TSG101: variants seen among roughly 807,000 people sequenced by gnomAD.
TSG101 encodes the protein tumor susceptibility 101.
TSG101 carries 19 observed loss-of-function variants against 48.5 expected under a neutral mutation model. That is an observed-to-expected ratio of 0.39 (90% CI 0.27 to 0.58). The LOEUF (loss-of-function observed/expected upper bound fraction) is 0.58. Ranked by LOEUF, TSG101 falls within the 20% of genes least tolerant of loss-of-function variation. The pLI is 0.55. For missense variants in TSG101, 365 were observed against 484.4 expected (o/e 0.75, Z 2.31); for synonymous variants, 174 against 169.4 (o/e 1.03, Z -0.21).
chr11:18,483,039 T>TA (rs1314186730), intron 8 of TSG101, among the ~76,000 whole-genome samples: 3 of 151,994 alleles, frequency 2.0e-5, no homozygotes, highest in Admixed American at 1.3e-4. Context: ...TGTGTGTGTG[T>TA]GTGTAGCAGG....
intron 7 of TSG101, among the ~76,000 whole-genome samples, chr11:18,495,982 C>G (rs1316430895): frequency 7.0e-6 from 1 of 142,204 alleles, no homozygotes; most frequent in Admixed American, 7.2e-5. Context: ...CTGGCACAAG[C>G]ACAGCTGACA....
intron 7 of TSG101, among the ~76,000 whole-genome samples, chr11:18,498,815 G>A (rs890682320): frequency 3.9e-5 from 6 of 152,064 alleles, no homozygotes; most frequent in Non-Finnish European, 5.9e-5. Context: ...CCAATGTTAA[G>A]AAAAATGGAA....
chr11:18,490,301 C>A, intron 7 of TSG101: 1 of 581,034 alleles, frequency 1.7e-6, no homozygotes, highest in South Asian at 1.4e-5. Context: ...GTAACACTGT[C>A]CCAAGTAATT....
chr11:18,499,403 T>TATATATATATA (rs1554970813), intron 7 of TSG101, among the ~76,000 whole-genome samples: 2 of 6,850 alleles, frequency 2.9e-4, no homozygotes, highest in Non-Finnish European at 5.2e-4. Context: ...TATATATATA[T>TATATATATATA]TTTTTTTTTT....
At chr11:18,517,187 T>C (rs899055083) in intron 2 of TSG101, among the ~76,000 whole-genome samples, 1 of 146,900 alleles carries the variant, frequency 6.8e-6, no homozygotes, top group Non-Finnish European at 1.5e-5. Context: ...ATGCCCAGCT[T>C]TTTTTTTTTT....
intron 4 of TSG101, chr11:18,511,511 A>G (rs1850081590): frequency 6.6e-6 from 1 of 152,188 alleles, no homozygotes; most frequent in Non-Finnish European, 1.5e-5. Flanking sequence ...TCTGTGCAAC[A>G]CTCACAGATA....
Position 18,516,172 on chromosome 11 carries a change from G to A in TSG101, c.128-8C>T. 6.2e-7 allele frequency: 1 copy of A among 1,612,932 alleles called. No homozygotes were observed. The highest frequency in any genetic ancestry group is 1.1e-5 in the South Asian group (1 of 90,984). On this transcript the variant is annotated splice_region_variant and splice_polypyrimidine_tract_variant and intron_variant, in intron 2 of 9. Transcript: ENST00000251968. ...AACTGCCATCGTTAAAAACTGAAAGGAAAGAACAATGATTTAATCATGAGC... is the reference window on the plus strand; with the variant it reads ...AACTGCCATCGTTAAAAACTGAAAGAAAAGAACAATGATTTAATCATGAGC...
rs200880173 is a variant in TSG101 at position 18,526,851 on chromosome 11, G to C, written c.-35C>G. The C allele has an allele frequency of 6.9e-6, 11 of 1,593,362 alleles. No homozygotes were observed. The South Asian group carries it at 8.9e-5, about 13-fold the overall frequency. ...CTGGCGACTCCCTTCCCCGCAGGCA[G>C]AGGGTCAGCCGCTGCTGGGCTGCCC... On this transcript the variant is annotated 5_prime_UTR_variant, in exon 1 of 10. Transcript: ENST00000251968.
chr11:18,481,442 C>T (rs762822847), intron 9 of TSG101, 188 bp downstream of exon 9: 3 of 1,391,488 alleles, frequency 2.2e-6, no homozygotes, highest in Non-Finnish European at 2.8e-6. Context: ...TCTTCCCCTG[C>T]TCAGACCAAT....
intron 6 of TSG101, among the ~76,000 whole-genome samples, chr11:18,506,378 T>C (rs1029640684): frequency 2.4e-5 from 3 of 125,626 alleles, no homozygotes; most frequent in African/African-American, 7.7e-5. Flanking sequence ...TATTTTATAA[T>C]ACTCTCTTCT....
At position 18,526,832 on chromosome 11, in the gene TSG101, A is replaced by G. The variant is rs1384482513; in HGVS notation, c.-16T>C. 1 of 1,599,092 alleles carries G rather than the reference A, an allele frequency of 6.3e-7. No individual in the cohort carries two copies. On this transcript the variant is annotated 5_prime_UTR_variant, in exon 1 of 10. Coordinates refer to ENST00000251968, the MANE Select transcript of TSG101 (RefSeq NM_006292.4). Reference sequence around the variant, plus strand: ...ACACCGCCATGACGGCCGCCTGGCGACTCCCTTCCCCGCAGGCAGAGGGTC... The same window carrying G: ...ACACCGCCATGACGGCCGCCTGGCGGCTCCCTTCCCCGCAGGCAGAGGGTC...
chr11:18,490,484 C>T (rs1295691813), intron 7 of TSG101: 8 of 503,298 alleles, frequency 1.6e-5, no homozygotes, highest in Non-Finnish European at 3.1e-5. Flanking sequence ...GATGTGTAGG[C>T]TGCATTTCTT....
chr11:18,503,415 C>G (rs1398601289), intron 6 of TSG101, among the ~76,000 whole-genome samples: 1 of 141,232 alleles, frequency 7.1e-6, no homozygotes, highest in African/African-American at 2.6e-5. Context: ...CCCTGTTGCT[C>G]AGGCTGGAGT....
chr11:18,505,751 T>C (rs1024214333), intron 6 of TSG101, among the ~76,000 whole-genome samples: 1 of 152,218 alleles, frequency 6.6e-6, no homozygotes, highest in Non-Finnish European at 1.5e-5. Flanking sequence ...GTAAATATCA[T>C]GCGACAAGTT....
At chr11:18,512,956 G>C (rs1229144723) in intron 4 of TSG101, among the ~76,000 whole-genome samples, 70 of 151,982 alleles carry the variant, frequency 4.6e-4, no homozygotes, top group African/African-American at 1.6e-3. Flanking sequence ...TCAAACTTCT[G>C]GCCTCAAGTG....
chr11:18,511,536 T>C (rs1246586219), intron 4 of TSG101: 2 of 152,210 alleles, frequency 1.3e-5, no homozygotes, highest in Non-Finnish European at 2.9e-5. Context: ...GGCTGGTGTG[T>C]GTGGGGATGG....
chr11:18,516,597 G>C lies in TSG101; in HGVS notation c.128-433C>G, dbSNP rs1030391777. ...CTAACCTCGTTATCCACCTGCCTTG[G>C]CCTCCCAAAGTGCTGGGATTACAGG... On this transcript the variant is annotated intron_variant, in intron 2 of 9. Coordinates refer to ENST00000251968, the MANE Select transcript of TSG101 (RefSeq NM_006292.4). Among the ~76,000 whole-genome samples the C allele has an allele frequency of 3.8e-4, 58 of 151,886 alleles. 3 individuals are homozygous for C. The highest frequency in any genetic ancestry group is 3.8e-3 in the Admixed American group (58 of 15,262).
chr11:18,513,236 T>C (rs887387785), intron 4 of TSG101, among the ~76,000 whole-genome samples: 1 of 152,144 alleles, frequency 6.6e-6, no homozygotes, highest in Non-Finnish European at 1.5e-5. Flanking sequence ...TTTAGCATCT[T>C]ATCTTTGAAG....
chr11:18,482,012 G>A (rs780704928), intron 8 of TSG101, 143 bp from the exon 9 acceptor site: 124 of 1,168,024 alleles, frequency 1.1e-4, no homozygotes, highest in Non-Finnish European at 1.4e-4. Flanking sequence ...ATAACACCCT[G>A]GTCAAAGGTA....
Sources: gnomAD v4.1 joint callset for allele counts (sites outside exome capture counted in the v4.1 genomes callset) on GRCh38, gnomAD v4.1.1 for gene constraint, MANE v1.5 for transcripts, NCBI Gene and HGNC (gene_info 2026-07-23, HGNC 2026-07-21) for gene names.